SMARCA4: variants seen among roughly 807,000 people sequenced by gnomAD.
SMARCA4 encodes the protein SWI/SNF related BAF chromatin remodeling complex subunit ATPase 4.
SMARCA4 carries 31 observed loss-of-function variants against 193.9 expected under a neutral mutation model. That is an observed-to-expected ratio of 0.16 (90% CI 0.12 to 0.22). SMARCA4 has a LOEUF of 0.22. Ranked by LOEUF, SMARCA4 falls within the 10% of genes least tolerant of loss-of-function variation. SMARCA4 has a pLI of 1.00. For synonymous variants in SMARCA4, 942 were observed against 933.1 expected (o/e 1.01, Z -0.17); for missense variants, 1,148 against 2,296.0 (o/e 0.50, Z 10.22).
At chr19:11,055,930 T>C (rs1326085078) in intron 30 of SMARCA4, among the ~76,000 whole-genome samples, 1 of 151,938 alleles carries the variant, frequency 6.6e-6, no homozygotes, top group Admixed American at 6.6e-5. Flanking sequence ...AGCGCGCTGC[T>C]TTTCATAGAA....
intron 13 of SMARCA4, among the ~76,000 whole-genome samples, chr19:11,005,531 T>C (rs934476047): frequency 6.6e-6 from 1 of 152,238 alleles, no homozygotes; most frequent in African/African-American, 2.4e-5. Flanking sequence ...GCACTTATGC[T>C]TTGCTGAGTC....
chr19:11,012,910 C>G (rs746810945), intron 15 of SMARCA4, 39 bp from the exon 16 acceptor site: 1 of 1,610,878 alleles, frequency 6.2e-7, no homozygotes, highest in Non-Finnish European at 8.5e-7. Flanking sequence ...GTGTCCGACC[C>G]GGCCTTCAGT....
intron 1 of SMARCA4, among the ~76,000 whole-genome samples, chr19:10,979,786 G>C (rs1176703530): frequency 1.3e-5 from 2 of 152,056 alleles, no homozygotes; most frequent in African/African-American, 4.8e-5. Flanking sequence ...TCAATAACAG[G>C]TGAAAGGAAG....
At chr19:11,059,223 C>T in intron 32 of SMARCA4, 2 of 330,438 alleles carry the variant, frequency 6.1e-6, no homozygotes, top group Non-Finnish European at 1.1e-5. Flanking sequence ...GAAATAGACT[C>T]AGAGTCCTCT....
In SMARCA4 at chr19:11,041,465, C is replaced by T. The variant is rs373999751; in HGVS notation, c.4329C>T (p.Arg1443=). 1.6e-4 allele frequency: 256 copies of T among 1,612,410 alleles called. No homozygotes were observed. Among genetic ancestry groups the T allele is most frequent in the Admixed American group, 2.5e-4 (15 of 60,018 alleles). The change falls in exon 30 of 35, where the codon CGC becomes CGT. Residue 1443 remains arginine, a synonymous_variant. Transcript: ENST00000344626. The surrounding 1 kb of genome is among the most constrained non-coding windows in gnomAD (Gnocchi z 5.6). ...ACGAGAGCAAGAAGCAGAAGAAGCG[C>T]GGGCGGCCGCCTGCCGAGAAACTCT... The part of the protein sequence containing the change: ...KDDESKKQKK[R]GRPPAEKLSP...
Position 10,985,211 on chromosome 19 carries a change from T to C in SMARCA4, c.223-62T>C, listed in dbSNP as rs528166922. The C allele has an allele frequency of 1.9e-6, 3 of 1,578,558 alleles. No homozygotes were observed. Among genetic ancestry groups the C allele is most frequent in the East Asian group, 2.2e-5 (1 of 44,676 alleles). On this transcript the variant is annotated intron_variant, in intron 2 of 34. Transcript: ENST00000344626. The surrounding 1 kb of genome is among the most constrained non-coding windows in gnomAD (Gnocchi z 4.5). ...CCTCGAGCTTCTCTCGGGCAGCGCATAGCTGCGCTGCCACCTCACGTTCCA... is the reference window on the plus strand; with the variant it reads ...CCTCGAGCTTCTCTCGGGCAGCGCACAGCTGCGCTGCCACCTCACGTTCCA...
chr19:10,993,763 G>T (rs535068751), intron 8 of SMARCA4, among the ~76,000 whole-genome samples: 27 of 151,786 alleles, frequency 1.8e-4, no homozygotes, highest in African/African-American at 6.5e-4. Flanking sequence ...CTTCTGCCTC[G>T]GCCTCCTGAG....
At chr19:11,054,607 A>G (rs527461633) in intron 30 of SMARCA4, among the ~76,000 whole-genome samples, 3 of 152,338 alleles carry the variant, frequency 2.0e-5, no homozygotes, top group Admixed American at 6.5e-5. Flanking sequence ...AGCCTGACCA[A>G]CATGGTGAAA....
In SMARCA4 at chr19:11,019,760, G is replaced by A. The variant is rs778929071; in HGVS notation, c.2616+59G>A. On this transcript the variant is annotated intron_variant, in intron 18 of 34. Coordinates refer to ENST00000344626, the MANE Select transcript of SMARCA4 (RefSeq NM_003072.5). The surrounding 1 kb of genome is among the most constrained non-coding windows in gnomAD (Gnocchi z 6.1). ...GGCCGAGTGCTCACACGTGGGTCACGCTGCCCGTCTCCTCCAAAGCCCCTA... is the reference window on the plus strand; with the variant it reads ...GGCCGAGTGCTCACACGTGGGTCACACTGCCCGTCTCCTCCAAAGCCCCTA... The A allele has an allele frequency of 4.7e-5, 55 of 1,164,832 alleles. No homozygotes were observed. Among genetic ancestry groups the A allele is most frequent in the Middle Eastern group, 1.9e-4 (1 of 5,250 alleles). The allele number at this position is 1,164,832 out of a possible 1,614,324, so 72.2% of individuals were successfully genotyped here. A position where few individuals can be genotyped will look rare whatever the true frequency, so the allele number is the denominator to read the frequency against.
intron 30 of SMARCA4, among the ~76,000 whole-genome samples, chr19:11,048,078 G>A (rs779499702): frequency 6.6e-5 from 10 of 152,066 alleles, no homozygotes; most frequent in Non-Finnish European, 1.2e-4. Flanking sequence ...CATGTCACTC[G>A]GCCCTTCCTT....
chr19:11,056,546 C>T (rs973969364), intron 30 of SMARCA4, among the ~76,000 whole-genome samples: 10 of 152,176 alleles, frequency 6.6e-5, no homozygotes, highest in Non-Finnish European at 1.0e-4. Flanking sequence ...TTCACTCCCA[C>T]CTCAATTTCC....
rs753578157 is a variant in SMARCA4 at position 11,060,053 on chromosome 19, G to A, written c.4777G>A (p.Val1593Ile). The A allele has an allele frequency of 4.5e-6, 7 of 1,561,966 alleles. No individual in the cohort carries two copies. The highest frequency in any genetic ancestry group is 2.4e-5 in the East Asian group (1 of 41,530). ...CTCCCGGTCCCCTCCAGCTCGGTCC[G>A]TCAAAGTGAAGATCAAGCTTGGCCG... is the stretch of plus-strand genomic sequence containing the variant. Reference protein sequence around the residue: ...EEGSESESRSVKVKIKLGRKE... With the variant: ...EEGSESESRSIKVKIKLGRKE... The change falls in exon 34 of 35, where the codon GTC becomes ATC. Residue 1593 changes from valine to isoleucine, a missense_variant. Transcript: ENST00000344626.
chr19:11,015,610 T>C (rs73923301), intron 16 of SMARCA4, among the ~76,000 whole-genome samples: 1 of 152,280 alleles, frequency 6.6e-6, no homozygotes, highest in African/African-American at 2.4e-5. Context: ...ACTTCGACAC[T>C]TGTGAATATC....
rs775843321 is a variant in SMARCA4, at chr19:10,987,792, A to G, written c.986A>G (p.Gln329Arg). 1.2e-5 allele frequency: 20 copies of G among 1,601,704 alleles called. No individual in the cohort carries two copies. Among genetic ancestry groups the G allele is most frequent in the African/African-American group, 5.4e-5 (4 of 74,422 alleles). The change falls in exon 6 of 35, where the codon CAG becomes CGG. Residue 329 changes from glutamine (Q) to arginine (R), a missense_variant. Physicochemically the swap from Gln to Arg is conservative, Grantham distance 43. Around this residue, in one of 17 missense-constraint regions of SMARCA4, gnomAD observed 257 missense variants for 276.5 expected, o/e 0.93. Coordinates refer to ENST00000344626, the MANE Select transcript of SMARCA4 (RefSeq NM_003072.5). The surrounding 1 kb of genome is among the most constrained non-coding windows in gnomAD (Gnocchi z 5.3). ...GCCGCCTCGCCCGTGATGCCACCGC[A>G]GACCCAGTCCCCCGGGCAGCCGGCC... Reference protein sequence around the residue: ...PPAASPVMPPQTQSPGQPAQP... With the variant: ...PPAASPVMPPRTQSPGQPAQP...
chr19:11,030,856 CTG>C lies in SMARCA4; in HGVS notation c.3512_3513del (p.Val1171AspfsTer4). On this transcript the variant is annotated frameshift_variant, in exon 25 of 35. Transcript: ENST00000344626. LOFTEE classifies it high-confidence loss of function. The surrounding 1 kb of genome is among the most constrained non-coding windows in gnomAD (Gnocchi z 5.5). ...GGCCTGAACCTCCAGTCGGCAGACA[CTG>C]TGATCATTTTTGACAGCGACTGGAA... is the stretch of plus-strand genomic sequence containing the variant. 6.2e-7 allele frequency: 1 copy of C among 1,610,524 alleles called. No individual in the cohort carries two copies. Among genetic ancestry groups the C allele is most frequent in the Non-Finnish European group, 8.5e-7 (1 of 1,178,718 alleles).
chr19:10,984,270 A>G lies in SMARCA4; in HGVS notation c.119A>G (p.His40Arg), dbSNP rs1178566757. Reference sequence around the variant, plus strand: ...CCGGGTCCCTCGCCGGGCTCCGCCCACAGCATGATGGGGCCCAGCCCAGGG... The same window carrying G: ...CCGGGTCCCTCGCCGGGCTCCGCCCGCAGCATGATGGGGCCCAGCCCAGGG... ...PSPGPSPGSA[H>R]SMMGPSPGPP... Residue 40 changes from histidine (H) to arginine (R), a missense_variant, in exon 2 of 35, where the codon CAC becomes CGC. Transcript: ENST00000344626. This position sits in a 1 kb window ranked among gnomAD's most constrained non-coding sequence, Gnocchi z 4.3. 6 of 1,611,324 alleles carry G rather than the reference A, an allele frequency of 3.7e-6. No individual in the cohort carries two copies. Among genetic ancestry groups the G allele is most frequent in the Non-Finnish European group, 5.1e-6 (6 of 1,179,208 alleles).
intron 1 of SMARCA4, among the ~76,000 whole-genome samples, chr19:10,982,697 G>A (rs2085657008): frequency 6.6e-6 from 1 of 151,932 alleles, no homozygotes; most frequent in Admixed American, 6.6e-5. Context: ...GTAGAGACAG[G>A]GTTTCACCAT....
At chr19:11,024,188 G>A (rs996121399) in intron 20 of SMARCA4, 143 bp from the exon 21 acceptor site, 19 of 705,110 alleles carry the variant, frequency 2.7e-5, no homozygotes, top group African/African-American at 2.4e-4. Context: ...CTCCCCAGCT[G>A]TGAGGGTCTC....
At chr19:10,993,351 A>T (rs112732664) in intron 8 of SMARCA4, among the ~76,000 whole-genome samples, 1 of 152,188 alleles carries the variant, frequency 6.6e-6, no homozygotes, top group Admixed American at 6.5e-5. Context: ...TTCCATTTCT[A>T]TGTGTCCAGG....
Sources: allele counts gnomAD v4.1 joint callset (sites outside exome capture counted in the v4.1 genomes callset), GRCh38; gene constraint gnomAD v4.1.1; regional missense constraint gnomAD v4.1.1; non-coding constraint Gnocchi (gnomAD v3.1); transcripts MANE v1.5; gene names NCBI Gene and HGNC (gene_info 2026-07-23, HGNC 2026-07-21).